Variants in FBXL13 observed in about 807,000 individuals in gnomAD.
The protein encoded by FBXL13 is F-box and leucine rich repeat protein 13, also known as F-box and leucine-rich repeat protein 13.
A neutral mutation model predicts 83.6 loss-of-function variants in FBXL13; 67 were observed. The observed-to-expected ratio is 0.80, with a 90% CI of 0.66 to 0.98. FBXL13 has a LOEUF of 0.98. Among genes scored for constraint, FBXL13 ranks in the 50% least tolerant of loss-of-function variants. FBXL13 has a pLI of 0.00. For synonymous variants in FBXL13, 272 were observed against 299.5 expected (o/e 0.91, Z 0.95); for missense variants, 822 against 866.5 (o/e 0.95, Z 0.64).
At chr7:102,825,701 T>G (rs1799509711) in intron 18 of FBXL13, among the ~76,000 whole-genome samples, 1 of 152,188 alleles carries the variant, frequency 6.6e-6, no homozygotes, top group Non-Finnish European at 1.5e-5. Context: ...TGCCAACCAC[T>G]GGGCATTACC....
chr7:102,867,027 A>G (rs1807746553), intron 16 of FBXL13, among the ~76,000 whole-genome samples: 1 of 152,162 alleles, frequency 6.6e-6, no homozygotes, highest in African/African-American at 2.4e-5. Flanking sequence ...CTGCCCAGAA[A>G]TTCTAGGAAA....
chr7:102,912,576 A>G lies in FBXL13; in HGVS notation c.1008+510T>C, dbSNP rs1453859031. Among the ~76,000 whole-genome samples, 5 of 151,870 alleles carry G rather than the reference A, an allele frequency of 3.3e-5. No individual in the cohort carries two copies. The East Asian group carries it at 7.7e-4, about 24-fold the overall frequency. ...AAATATTTTCCCACGCAGATCTCAA[A>G]TCTTCATGTTATTCAGCCCAACGGT... On this transcript the variant is annotated intron_variant, in intron 11 of 19. Transcript: ENST00000313221.
chr7:102,920,981 G>A (rs1816863982), intron 10 of FBXL13, among the ~76,000 whole-genome samples: 1 of 152,052 alleles, frequency 6.6e-6, no homozygotes, highest in Admixed American at 6.5e-5. Flanking sequence ...ATGAAACCCT[G>A]TCGCTACTAA....
intron 17 of FBXL13, among the ~76,000 whole-genome samples, chr7:102,833,689 C>T (rs1457899741): frequency 6.6e-6 from 1 of 151,540 alleles, no homozygotes; most frequent in Non-Finnish European, 1.5e-5. Flanking sequence ...TCCCAAAGTG[C>T]TGGGATTATA....
At chr7:102,990,561 T>C (rs902317891) in intron 6 of FBXL13, among the ~76,000 whole-genome samples, 1 of 152,164 alleles carries the variant, frequency 6.6e-6, no homozygotes, top group Non-Finnish European at 1.5e-5. Context: ...AAGGCACATA[T>C]AGTCCAAGAA....
chr7:103,014,992 T>C (rs181150451), intron 6 of FBXL13, among the ~76,000 whole-genome samples: 1 of 151,562 alleles, frequency 6.6e-6, no homozygotes, highest in Admixed American at 6.6e-5. Context: ...AAAAAGCTTT[T>C]CCACCATGGT....
intron 16 of FBXL13, among the ~76,000 whole-genome samples, chr7:102,856,914 CAT>C (rs1229521045): frequency 2.6e-5 from 4 of 152,162 alleles, no homozygotes; most frequent in African/African-American, 4.8e-5. Flanking sequence ...ACAGTGAAAA[CAT>C]ATGTTTACAA....
chr7:103,001,219 C>G (rs1332553760), intron 6 of FBXL13, among the ~76,000 whole-genome samples: 2 of 152,040 alleles, frequency 1.3e-5, no homozygotes, highest in Non-Finnish European at 2.9e-5. Flanking sequence ...CCTCAGCATC[C>G]CAAAGTGCTA....
At chr7:102,851,983 C>T (rs945212289) in intron 17 of FBXL13, among the ~76,000 whole-genome samples, 1 of 152,184 alleles carries the variant, frequency 6.6e-6, no homozygotes, top group African/African-American at 2.4e-5. Flanking sequence ...GTTTGAGTAA[C>T]TTAAGTTCCT....
intron 17 of FBXL13, among the ~76,000 whole-genome samples, chr7:102,835,036 A>G (rs932411763): frequency 5.9e-5 from 9 of 152,194 alleles, no homozygotes; most frequent in African/African-American, 2.2e-4. Context: ...TGACACCAAT[A>G]ATAATAAAGA....
At chr7:102,946,922 C>T (rs1822615432) in intron 8 of FBXL13, among the ~76,000 whole-genome samples, 1 of 151,890 alleles carries the variant, frequency 6.6e-6, no homozygotes, top group Non-Finnish European at 1.5e-5. Context: ...GTGATCTGCT[C>T]GCCTCAGCCT....
chr7:102,998,329 TC>T (rs1400547694), intron 6 of FBXL13, among the ~76,000 whole-genome samples: 1 of 152,204 alleles, frequency 6.6e-6, no homozygotes, highest in African/African-American at 2.4e-5. Flanking sequence ...GCAAATATTT[TC>T]TCCTATTCTG....
intron 6 of FBXL13, among the ~76,000 whole-genome samples, chr7:103,022,852 G>A (rs1793369334): frequency 6.6e-6 from 1 of 151,994 alleles, no homozygotes; most frequent in Admixed American, 6.6e-5. Flanking sequence ...AGAACTTCTA[G>A]CAGCAAAAGA....
chr7:103,027,508 T>C (rs1015879585), exon 5 of FBXL13: 6 of 1,613,378 alleles, frequency 3.7e-6, no homozygotes, highest in Non-Finnish European at 5.1e-6. Context: ...TTTGTTAGGA[T>C]AATGGTTAGC....
At chr7:102,906,800 T>G (rs977694642) in intron 11 of FBXL13, among the ~76,000 whole-genome samples, 1 of 152,236 alleles carries the variant, frequency 6.6e-6, no homozygotes, top group Non-Finnish European at 1.5e-5. Context: ...CTTTGGGAGC[T>G]TGATTATTAA....
chr7:102,971,488 T>G (rs982255964), intron 6 of FBXL13, among the ~76,000 whole-genome samples: 3 of 151,552 alleles, frequency 2.0e-5, no homozygotes, highest in African/African-American at 7.3e-5. Flanking sequence ...TCCCAGCTAC[T>G]TGGGAGGCTG....
chr7:102,853,070 G>A (rs1805502348), intron 17 of FBXL13, among the ~76,000 whole-genome samples: 1 of 152,294 alleles, frequency 6.6e-6, no homozygotes, highest in East Asian at 1.9e-4. Context: ...GAGTAACTCA[G>A]TAATGGAAAA....
intron 1 of FBXL13, among the ~76,000 whole-genome samples, chr7:103,068,277 G>A (rs544370148): frequency 2.4e-4 from 36 of 152,308 alleles, no homozygotes; most frequent in Admixed American, 1.0e-3. Context: ...GACAGTGAGT[G>A]CTAAATCTGA....
chr7:102,929,187 T>C (rs1319969334), intron 9 of FBXL13, among the ~76,000 whole-genome samples: 2 of 152,188 alleles, frequency 1.3e-5, no homozygotes, highest in Non-Finnish European at 2.9e-5. Flanking sequence ...ATGCCTTCCA[T>C]GTTTTGAAAA....
Sources: allele counts gnomAD v4.1 joint callset (sites outside exome capture counted in the v4.1 genomes callset), GRCh38; gene constraint gnomAD v4.1.1; transcripts MANE v1.5; gene names NCBI Gene and HGNC (gene_info 2026-07-23, HGNC 2026-07-21).